Variants in VPS39 observed in about 807,000 individuals in gnomAD.
The protein encoded by VPS39 is VPS39 subunit of HOPS complex, also known as vam6/Vps39-like protein.
Under a neutral mutation model 121.0 loss-of-function variants are expected in VPS39, and 70 were observed. The observed-to-expected ratio is 0.58, with a 90% CI of 0.48 to 0.71. VPS39 has a LOEUF of 0.71. Among genes scored for constraint, VPS39 ranks in the 30% least tolerant of loss-of-function variants. The pLI is 0.00. For missense variants in VPS39, 818 were observed against 1,051.5 expected (o/e 0.78, Z 3.07); for synonymous variants, 378 against 398.1 (o/e 0.95, Z 0.60).
chr15:42,180,272 T>C (rs887952590), intron 8 of VPS39, among the ~76,000 whole-genome samples: 9 of 152,146 alleles, frequency 5.9e-5, no homozygotes, highest in Admixed American at 3.9e-4. Flanking sequence ...TCCTCTATTA[T>C]ATCTAAAAAA....
Position 42,187,678 on chromosome 15 carries a change from A to C in VPS39, c.441+80T>G, listed in dbSNP as rs914406544. ...GTATTCATTTGCGTAGAATGACAAGACTGGAGTCCTGAACTTCACTAGAAC... is the reference window on the plus strand; with the variant it reads ...GTATTCATTTGCGTAGAATGACAAGCCTGGAGTCCTGAACTTCACTAGAAC... On this transcript the variant is annotated intron_variant, in intron 6 of 24. Coordinates refer to ENST00000318006, the MANE Select transcript of VPS39 (RefSeq NM_015289.5). 1.8e-5 allele frequency: 22 copies of C among 1,249,858 alleles called. No individual in the cohort carries two copies. In the South Asian group the frequency reaches 2.2e-4, roughly 12 times the overall value. The allele number at this position is 1,249,858 out of a possible 1,614,324, so 77.4% of individuals were successfully genotyped here. A position where few individuals can be genotyped will look rare whatever the true frequency, so the allele number is the denominator to read the frequency against.
chr15:42,168,575 ACT>A (rs1225035964), intron 12 of VPS39, among the ~76,000 whole-genome samples: 2 of 142,208 alleles, frequency 1.4e-5, no homozygotes, highest in African/African-American at 5.3e-5. Flanking sequence ...ACAGAGTCTC[ACT>A]CTGTTGCCCA....
intron 2 of VPS39, chr15:42,191,998 T>C (rs1402678823): frequency 4.7e-6 from 7 of 1,501,966 alleles, no homozygotes; most frequent in African/African-American, 1.4e-5. Flanking sequence ...AAGTTCTGTA[T>C]CACGGAGACA....
chr15:42,170,741 A>ATTTTT (rs869280235), intron 11 of VPS39, among the ~76,000 whole-genome samples: 3,871 of 50,458 alleles, frequency 0.077, 1,360 homozygotes, highest in Non-Finnish European at 0.1. Flanking sequence ...ATGCTCGCAG[A>ATTTTT]TTTTTTTTTT....
intron 21 of VPS39, among the ~76,000 whole-genome samples, chr15:42,162,904 A>C (rs2049161697): frequency 6.6e-6 from 1 of 152,110 alleles, no homozygotes; most frequent in South Asian, 2.1e-4. Flanking sequence ...GGGCCAGATG[A>C]TTCCTGGTTT....
At chr15:42,170,566 T>C (rs554223813) in intron 11 of VPS39, among the ~76,000 whole-genome samples, 3 of 152,212 alleles carry the variant, frequency 2.0e-5, no homozygotes, top group Admixed American at 2.0e-4. Flanking sequence ...GGCAATAAAA[T>C]GTAAGACTTC....
rs138951752 is a variant in VPS39 at position 42,166,022 on chromosome 15, G to A, written c.1680+137C>T. 12 of 1,018,626 alleles carry A rather than the reference G, an allele frequency of 1.2e-5. No individual in the cohort carries two copies. The East Asian group carries it at 1.2e-4, about 10-fold the overall frequency. The allele number at this position is 1,018,626 out of a possible 1,614,324, so 63.1% of individuals were successfully genotyped here. A position where few individuals can be genotyped will look rare whatever the true frequency, so the allele number is the denominator to read the frequency against. ...TCTACCAACTACAGTGCTGGCTCGCGCTTCCCAGTCCACCCTTTCTTCATG... is the reference window on the plus strand; with the variant it reads ...TCTACCAACTACAGTGCTGGCTCGCACTTCCCAGTCCACCCTTTCTTCATG... On this transcript the variant is annotated intron_variant, in intron 16 of 24. Transcript: ENST00000318006.
intron 22 of VPS39, 42 bp from the exon 23 acceptor site, chr15:42,162,208 G>T (rs748105989): frequency 6.2e-7 from 1 of 1,612,046 alleles, no homozygotes; most frequent in Admixed American, 1.7e-5. Context: ...GAGGTGAACA[G>T]GAGTGAGAAT....
chr15:42,165,401 T>C, intron 17 of VPS39: 1 of 521,014 alleles, frequency 1.9e-6, no homozygotes, highest in Non-Finnish European at 3.4e-6. Flanking sequence ...AATATCTGCA[T>C]CCTGGTACTT....
intron 11 of VPS39, among the ~76,000 whole-genome samples, chr15:42,173,443 T>C (rs953953603): frequency 2.6e-5 from 4 of 152,270 alleles, no homozygotes; most frequent in African/African-American, 9.6e-5. Flanking sequence ...AATACCCATT[T>C]GTTGAACTGA....
In VPS39 at chr15:42,203,013, C is replaced by CT. The variant is rs956697174; in HGVS notation, c.74-3053dup. Reference sequence around the variant, plus strand: ...TCTTGCCAATAGATTTTTTAATTTACTTTTTTTTTTTCTTGTGAACCCAAA... The same window carrying CT: ...TCTTGCCAATAGATTTTTTAATTTACTTTTTTTTTTTTCTTGTGAACCCAAA... On this transcript the variant is annotated intron_variant, in intron 1 of 24. Transcript: ENST00000318006. Among the ~76,000 whole-genome samples the CT allele has an allele frequency of 6.4e-4, 95 of 147,918 alleles. 1 individual carries two copies. The highest frequency in any genetic ancestry group is 7.8e-4 in the Non-Finnish European group (52 of 66,664).
chr15:42,179,487 G>A (rs1341938544), intron 8 of VPS39, among the ~76,000 whole-genome samples: 2 of 151,272 alleles, frequency 1.3e-5, no homozygotes, highest in Non-Finnish European at 2.9e-5. Context: ...TGAGGCAGGA[G>A]AATGGCGTGA....
rs573271147 is a variant in VPS39, at chr15:42,200,047, T to A, written c.74-86A>T. On this transcript the variant is annotated intron_variant, in intron 1 of 24. Coordinates refer to ENST00000318006, the MANE Select transcript of VPS39 (RefSeq NM_015289.5). Reference sequence around the variant, plus strand: ...ATCAGCTTGAGTATAACCCTATTTTTTTAGCTGGGGCTTGTAATCAGAAAT... The same window carrying A: ...ATCAGCTTGAGTATAACCCTATTTTATTAGCTGGGGCTTGTAATCAGAAAT... The A allele has an allele frequency of 1.8e-4, 232 of 1,292,528 alleles. No individual in the cohort carries two copies. The South Asian group carries it at 3.7e-3, about 21-fold the overall frequency. 80.1% of individuals were successfully genotyped at this position (1,292,528 alleles called of 1,614,324 possible). A position where few individuals can be genotyped will look rare whatever the true frequency, so the allele number is the denominator to read the frequency against.
At chr15:42,204,043 G>A (rs75422726) in intron 1 of VPS39, among the ~76,000 whole-genome samples, 1 of 152,240 alleles carries the variant, frequency 6.6e-6, no homozygotes, top group Admixed American at 6.5e-5. Context: ...GAGAAGGAGG[G>A]CTAGGCCCTA....
At chr15:42,204,419 G>A (rs2050127466) in intron 1 of VPS39, among the ~76,000 whole-genome samples, 1 of 152,222 alleles carries the variant, frequency 6.6e-6, no homozygotes, top group African/African-American at 2.4e-5. Flanking sequence ...GGAGGCCGAG[G>A]TGGGCGGATC....
At chr15:42,183,435 T>C (rs2140867296) in intron 8 of VPS39, among the ~76,000 whole-genome samples, 1 of 152,184 alleles carries the variant, frequency 6.6e-6, no homozygotes, top group South Asian at 2.1e-4. Flanking sequence ...CATTCTACCA[T>C]TCAGGAATCT....
At chr15:42,165,147 T>C in intron 17 of VPS39, 34 bp from the exon 18 acceptor site, 3 of 1,601,404 alleles carry the variant, frequency 1.9e-6, no homozygotes, top group Non-Finnish European at 2.6e-6. Flanking sequence ...TCACTGGTAT[T>C]CTCCAGGCTG....
chr15:42,160,716 C>T lies in VPS39; in HGVS notation c.*38G>A. 1 of 1,595,382 alleles carries T rather than the reference C, an allele frequency of 6.3e-7. No homozygotes were observed. Among genetic ancestry groups the T allele is most frequent in the Non-Finnish European group, 8.6e-7 (1 of 1,162,964 alleles). ...GTGCTCCTTCACCTCTCTGGGAGAG[C>T]CAAGCTGTCCATCCGCTGGATCCCC... is the stretch of plus-strand genomic sequence containing the variant. On this transcript the variant is annotated 3_prime_UTR_variant, in exon 25 of 25. Coordinates refer to ENST00000318006, the MANE Select transcript of VPS39 (RefSeq NM_015289.5).
In VPS39 at chr15:42,208,144, C is replaced by A; in HGVS notation, c.10G>T (p.Ala4Ser). Residue 4 changes from alanine (A) to serine (S), a missense_variant, in exon 1 of 25, where the codon GCT becomes TCT. By Grantham distance (99) the Ala-to-Ser change is moderately conservative. Coordinates refer to ENST00000318006, the MANE Select transcript of VPS39 (RefSeq NM_015289.5). MHD[A>S]FEPVPILEKL... ...TCTAGGATCGGCACTGGCTCGAAAG[C>A]GTCGTGCATGGCGGCAAGGGGAGAG... The A allele has an allele frequency of 6.4e-7, 1 of 1,573,880 alleles. No individual in the cohort carries two copies. The highest frequency in any genetic ancestry group is 8.6e-7 in the Non-Finnish European group (1 of 1,159,710).
Sources: gnomAD v4.1 joint callset for allele counts (sites outside exome capture counted in the v4.1 genomes callset) on GRCh38, gnomAD v4.1.1 for gene constraint, MANE v1.5 for transcripts, NCBI Gene and HGNC (gene_info 2026-07-23, HGNC 2026-07-21) for gene names.